SNX29: variants seen among roughly 807,000 people sequenced by gnomAD.
The protein encoded by SNX29 is sorting nexin 29.
A neutral mutation model predicts 102.1 loss-of-function variants in SNX29; 78 were observed. That is an observed-to-expected ratio of 0.76 (90% CI 0.64 to 0.92). The LOEUF (loss-of-function observed/expected upper bound fraction) is 0.92, where lower values mean the gene tolerates loss of function less well. Ranked by LOEUF, SNX29 falls within the 40% of genes least tolerant of loss-of-function variation. SNX29 has a pLI of 0.00. For missense variants in SNX29, 1,280 were observed against 1,061.7 expected (o/e 1.21, Z -2.86); for synonymous variants, 580 against 414.5 (o/e 1.40, Z -4.85).
At chr16:12,030,104 C>T (rs561269208) in intron 4 of SNX29, among the ~76,000 whole-genome samples, 1 of 152,316 alleles carries the variant, frequency 6.6e-6, no homozygotes, top group African/African-American at 2.4e-5. Context: ...TTGCTTTCTG[C>T]GATGCCATAG....
intron 20 of SNX29, among the ~76,000 whole-genome samples, chr16:12,541,632 C>G (rs896115818): frequency 1.3e-5 from 2 of 152,162 alleles, no homozygotes; most frequent in African/African-American, 4.8e-5. Context: ...CGGGGTCCAT[C>G]GCATCTTCGT....
At chr16:12,562,211 C>T (rs572087124) in intron 20 of SNX29, among the ~76,000 whole-genome samples, 63 of 152,126 alleles carry the variant, frequency 4.1e-4, no homozygotes, top group Non-Finnish European at 6.8e-4. Flanking sequence ...GTGAACCCTG[C>T]TGGAGGTGGC....
intron 20 of SNX29, among the ~76,000 whole-genome samples, chr16:12,550,104 A>C (rs1477498114): frequency 2.6e-5 from 4 of 152,248 alleles, no homozygotes; most frequent in South Asian, 4.1e-4. Context: ...GGGCTAGAAT[A>C]CTGAGGCTGA....
intron 14 of SNX29, 55 bp from the exon 15 acceptor site, chr16:12,277,878 A>G (rs1241271536): frequency 6.8e-7 from 1 of 1,472,628 alleles, no homozygotes; most frequent in African/African-American, 1.4e-5. Context: ...TTTTACTGGG[A>G]GAATAATTTT....
intron 16 of SNX29, among the ~76,000 whole-genome samples, chr16:12,368,856 T>G (rs575086354): frequency 1.3e-5 from 2 of 152,348 alleles, no homozygotes; most frequent in South Asian, 4.1e-4. Flanking sequence ...TTGTTCTCAT[T>G]TTAGTTACCA....
chr16:12,339,390 A>AAAT (rs1567454634), intron 15 of SNX29, among the ~76,000 whole-genome samples: 1 of 150,306 alleles, frequency 6.7e-6, no homozygotes, highest in African/African-American at 2.5e-5. Flanking sequence ...AAAAAAAAAA[A>AAAT]AAAAGATTAT....
Position 12,356,198 on chromosome 16 carries a change from C to T in SNX29, c.1818C>T (p.Asn606=), listed in dbSNP as rs767006669. 110 of 1,613,198 alleles carry T rather than the reference C, an allele frequency of 6.8e-5. 3 individuals carry two copies. In the South Asian group the frequency reaches 1.1e-3, roughly 16 times the overall value. The part of the protein sequence containing the change: ...AEMHGELIEF[N]ERLHRALVAK... ...TGCATGGCGAGCTGATTGAGTTCAA[C>T]GAGCGCCTGCACAGGGCCCTGGTAG... Residue 606 remains asparagine, a synonymous_variant, in exon 16 of 21, where the codon AAC becomes AAT. Coordinates refer to ENST00000566228, the MANE Select transcript of SNX29 (RefSeq NM_032167.5).
At chr16:12,002,028 T>TG (rs924444901) in intron 2 of SNX29, among the ~76,000 whole-genome samples, 2 of 151,464 alleles carry the variant, frequency 1.3e-5, no homozygotes, top group Non-Finnish European at 2.9e-5. Context: ...TTTTTTTTTT[T>TG]TAAAGAAAAT....
intron 13 of SNX29, among the ~76,000 whole-genome samples, chr16:12,195,157 A>G (rs1355115972): frequency 6.6e-6 from 1 of 152,212 alleles, no homozygotes; most frequent in African/African-American, 2.4e-5. Context: ...CAGTGTGAGT[A>G]TATATGTGTG....
At chr16:12,198,182 G>A (rs893656661) in intron 13 of SNX29, among the ~76,000 whole-genome samples, 1 of 152,154 alleles carries the variant, frequency 6.6e-6, no homozygotes, top group Non-Finnish European at 1.5e-5. Flanking sequence ...AGGCCTGAAA[G>A]GTATATACTA....
In SNX29 at chr16:12,569,487, A is replaced by G; in HGVS notation, c.*858A>G. The G allele has an allele frequency of 4.3e-6, 1 of 231,506 alleles. No individual in the cohort carries two copies. Among genetic ancestry groups the G allele is most frequent in the Non-Finnish European group, 8.5e-6 (1 of 116,964 alleles). 14.3% of individuals were successfully genotyped at this position (231,506 alleles called of 1,614,324 possible). A position where few individuals can be genotyped will look rare whatever the true frequency, so the allele number is the denominator to read the frequency against. ...GACTTGGGTCAGGGAACCACTGCAGAAGGTTCCAGGGTTTTCAAACCAGGC... is the reference window on the plus strand; with the variant it reads ...GACTTGGGTCAGGGAACCACTGCAGGAGGTTCCAGGGTTTTCAAACCAGGC... On this transcript the variant is annotated 3_prime_UTR_variant, in exon 21 of 21. Coordinates refer to ENST00000566228, the MANE Select transcript of SNX29 (RefSeq NM_032167.5).
chr16:12,125,158 A>T (rs866672642), intron 11 of SNX29, among the ~76,000 whole-genome samples: 25 of 152,170 alleles, frequency 1.6e-4, no homozygotes, highest in Non-Finnish European at 2.6e-4. Flanking sequence ...TTACTGCCCA[A>T]AAAGAGTCAC....
chr16:12,330,327 C>T (rs1026806155), intron 15 of SNX29, among the ~76,000 whole-genome samples: 1 of 152,090 alleles, frequency 6.6e-6, no homozygotes, highest in African/African-American at 2.4e-5. Context: ...ATTAGCCAAG[C>T]ATGGTGGCGG....
At chr16:12,172,497 A>G (rs897777342) in intron 13 of SNX29, among the ~76,000 whole-genome samples, 2 of 152,026 alleles carry the variant, frequency 1.3e-5, no homozygotes, top group Non-Finnish European at 2.9e-5. Flanking sequence ...CATCTTGGTC[A>G]CCATCCTTCA....
intron 15 of SNX29, among the ~76,000 whole-genome samples, chr16:12,289,850 C>T (rs1004984850): frequency 4.6e-5 from 7 of 151,798 alleles, no homozygotes; most frequent in South Asian, 2.1e-4. Context: ...CCTTGATGGA[C>T]GCGAGTGAAA....
chr16:12,051,160 C>G (rs2050282252), intron 7 of SNX29, among the ~76,000 whole-genome samples: 1 of 152,064 alleles, frequency 6.6e-6, no homozygotes, highest in Non-Finnish European at 1.5e-5. Flanking sequence ...AAGACCTCAT[C>G]TCTACAAATA....
At chr16:12,180,861 C>T (rs76987518) in intron 13 of SNX29, among the ~76,000 whole-genome samples, 53 of 152,246 alleles carry the variant, frequency 3.5e-4, no homozygotes, top group Middle Eastern at 6.8e-3. Flanking sequence ...AGCTCTCTCT[C>T]CTGTGGATTT....
intron 19 of SNX29, among the ~76,000 whole-genome samples, chr16:12,496,336 C>T (rs144131108): frequency 0.01 from 1,544 of 152,144 alleles, 8 homozygotes; most frequent in Non-Finnish European, 0.014. Context: ...CCCATGCCTG[C>T]AGCTCAGGGT....
At chr16:12,070,542 G>A (rs2051248638) in intron 10 of SNX29, among the ~76,000 whole-genome samples, 2 of 151,776 alleles carry the variant, frequency 1.3e-5, no homozygotes, top group Non-Finnish European at 1.5e-5. Context: ...ATTCCATGGT[G>A]TATATGTGCC....
Sources: allele counts gnomAD v4.1 joint callset (sites outside exome capture counted in the v4.1 genomes callset), GRCh38; gene constraint gnomAD v4.1.1; transcripts MANE v1.5; gene names NCBI Gene and HGNC (gene_info 2026-07-23, HGNC 2026-07-21).